CARD14: variants seen among roughly 807,000 people sequenced by gnomAD.
CARD14 encodes the protein caspase recruitment domain family member 14.
A neutral mutation model predicts 111.5 loss-of-function variants in CARD14; 107 were observed. That is an observed-to-expected ratio of 0.96 (90% CI 0.82 to 1.13). The LOEUF (loss-of-function observed/expected upper bound fraction) is 1.13. CARD14 is among the 50% of genes most tolerant of loss of function. CARD14 has a pLI of 0.00. For synonymous variants in CARD14, 617 were observed against 579.6 expected, an observed-to-expected ratio of 1.06 and a Z score of -0.93; for missense variants, 1,322 against 1,362.3, an observed-to-expected ratio of 0.97 and a Z score of 0.47.
In CARD14 at chr17:80,195,039, G is replaced by A. The variant is rs962965531; in HGVS notation, c.1357-152G>A. 1.1e-6 allele frequency: 1 copy of A among 922,922 alleles called. No individual in the cohort carries two copies. Among genetic ancestry groups the A allele is most frequent in the Non-Finnish European group, 1.6e-6 (1 of 629,472 alleles). 57.2% of individuals were successfully genotyped at this position (922,922 alleles called of 1,614,324 possible). On this transcript the variant is annotated intron_variant, in intron 12 of 23. Transcript: ENST00000648509. This position sits in a 1 kb window ranked among gnomAD's most constrained non-coding sequence, Gnocchi z 4.7. ...GTGTCTGGCATACAGCAGGTGCTCA[G>A]CGCATGTGACCCCATGTGTGTCCTT... is the stretch of plus-strand genomic sequence containing the variant.
intron 2 of CARD14, among the ~76,000 whole-genome samples, chr17:80,176,260 T>A (rs7224340): frequency 1 from 150,032 of 150,044 alleles, 75,010 homozygotes; most frequent in Middle Eastern, 1. Context: ...TGAGACCCCC[T>A]TCTTTACAAA....
intron 1 of CARD14, among the ~76,000 whole-genome samples, chr17:80,172,675 G>A (rs1036791628): frequency 8.5e-5 from 13 of 152,052 alleles, no homozygotes; most frequent in South Asian, 6.2e-4. Context: ...GAGAAAGGTG[G>A]CACCGTTGAT....
chr17:80,192,287 TGTGTCCAGCTG>T, intron 11 of CARD14: 1 of 495,932 alleles, frequency 2.0e-6, no homozygotes, highest in African/African-American at 1.9e-5. Context: ...TGAAATGCTG[TGTGTCCAGCTG>T]GTTTCTTTCA....
intron 7 of CARD14, among the ~76,000 whole-genome samples, chr17:80,185,848 C>A (rs1449974886): frequency 6.6e-6 from 1 of 152,296 alleles, no homozygotes; most frequent in Non-Finnish European, 1.5e-5. Context: ...CACATGTATA[C>A]AGAAATTATG....
Position 80,195,078 on chromosome 17 carries a change from C to A in CARD14, c.1357-113C>A. ...ATGTGTGTCCTTCTTTCCCCTCCTG[C>A]CTCCTCTCCAGTCAGTTCTCACTGT... On this transcript the variant is annotated intron_variant, in intron 12 of 23. Transcript: ENST00000648509. The surrounding 1 kb of genome is among the most constrained non-coding windows in gnomAD (Gnocchi z 4.7). 7.3e-7 allele frequency: 1 copy of A among 1,366,564 alleles called. No individual in the cohort carries two copies. The highest frequency in any genetic ancestry group is 9.9e-7 in the Non-Finnish European group (1 of 1,013,042). 84.7% of individuals were successfully genotyped at this position (1,366,564 alleles called of 1,614,324 possible).
Position 80,191,387 on chromosome 17 carries a change from T to G in CARD14, c.1154T>G (p.Leu385Arg), listed in dbSNP as rs2144267834. The change falls in exon 11 of 24, where the codon CTC becomes CGC. Residue 385 changes from leucine (L) to arginine (R), a missense_variant. Leu to Arg is a moderately radical substitution (Grantham distance 102). Coordinates refer to ENST00000648509, the MANE Select transcript of CARD14 (RefSeq NM_001366385.1). Reference sequence around the variant, plus strand: ...CAGAGCCTGGTGGAGAAGGACTCCCTCCGCAGGCAGGTGTTCGAGCTGACG... The same window carrying G: ...CAGAGCCTGGTGGAGAAGGACTCCCGCCGCAGGCAGGTGTTCGAGCTGACG... ...ISQSLVEKDS[L>R]RRQVFELTDQ... is the part of the protein sequence containing the mutation. The G allele has an allele frequency of 2.5e-6, 4 of 1,613,826 alleles. No individual in the cohort carries two copies. Among genetic ancestry groups the G allele is most frequent in the Non-Finnish European group, 3.4e-6 (4 of 1,179,990 alleles).
rs539690093 is a variant in CARD14 at position 80,187,270 on chromosome 17, G to A, written c.676-1107G>A. Among the ~76,000 whole-genome samples, 9 of 152,290 alleles carry A rather than the reference G, an allele frequency of 5.9e-5. No homozygotes were observed. In the South Asian group the frequency reaches 1.0e-3, roughly 18 times the overall value. On this transcript the variant is annotated intron_variant, in intron 7 of 23. Transcript: ENST00000648509. ...CCATACCACTGCCATTAACAGCCCC[G>A]CTAAGACGGGTGCCGGACTTGTTTG...
Position 80,195,400 on chromosome 17 carries a change from A to T in CARD14, c.1499+67A>T. The T allele has an allele frequency of 1.3e-6, 2 of 1,558,394 alleles. No homozygotes were observed. The highest frequency in any genetic ancestry group is 1.7e-6 in the Non-Finnish European group (2 of 1,148,148). ...GGTCCTTCCTGGCAACTCACCAGAG[A>T]CACCAACCTAGACCTCAGGGCATCT... is the stretch of plus-strand genomic sequence containing the variant. On this transcript the variant is annotated intron_variant, in intron 13 of 23. Coordinates refer to ENST00000648509, the MANE Select transcript of CARD14 (RefSeq NM_001366385.1). The surrounding 1 kb of genome is among the most constrained non-coding windows in gnomAD (Gnocchi z 4.7).
chr17:80,183,649 C>G (rs1187207742), intron 6 of CARD14, among the ~76,000 whole-genome samples: 1 of 152,150 alleles, frequency 6.6e-6, no homozygotes, highest in African/African-American at 2.4e-5. Context: ...AGCTGGGGGC[C>G]TGCTGGGGAG....
chr17:80,207,965 G>C (rs2041432299), intron 23 of CARD14, among the ~76,000 whole-genome samples, 173 bp from the exon 24 acceptor site: 1 of 152,158 alleles, frequency 6.6e-6, no homozygotes, highest in South Asian at 2.1e-4. Context: ...CTGTGTTCTA[G>C]ACAACCTGCC....
rs375085546 is a variant in CARD14, at chr17:80,198,681, C to T, written c.1851+90C>T. ...TGACCCAGGCAGACTTCACCTCCCCCAGACGATGCAGATCCACTCTGGGCT... is the reference window on the plus strand; with the variant it reads ...TGACCCAGGCAGACTTCACCTCCCCTAGACGATGCAGATCCACTCTGGGCT... On this transcript the variant is annotated intron_variant, in intron 16 of 23. Coordinates refer to ENST00000648509, the MANE Select transcript of CARD14 (RefSeq NM_001366385.1). This position sits in a 1 kb window ranked among gnomAD's most constrained non-coding sequence, Gnocchi z 7.5. The T allele has an allele frequency of 6.2e-7, 1 of 1,605,736 alleles. No individual in the cohort carries two copies. Among genetic ancestry groups the T allele is most frequent in the South Asian group, 1.1e-5 (1 of 90,680 alleles).
At chr17:80,202,670 C>T (rs1219184105) in intron 18 of CARD14, 2 of 1,307,854 alleles carry the variant, frequency 1.5e-6, no homozygotes, top group African/African-American at 1.5e-5. Flanking sequence ...GGTTTCTTAG[C>T]TTTGGTACCA....
In CARD14 at chr17:80,182,090, A is replaced by G. The variant is rs2040193139; in HGVS notation, c.211+441A>G. 6.6e-6 allele frequency among the ~76,000 whole-genome samples: 1 copy of G among 152,258 alleles called. No individual in the cohort carries two copies. The highest frequency in any genetic ancestry group is 6.5e-5 in the Admixed American group (1 of 15,290). On this transcript the variant is annotated intron_variant, in intron 5 of 23. Transcript: ENST00000648509. The surrounding 1 kb of genome is among the most constrained non-coding windows in gnomAD (Gnocchi z 4.7). ...AAACAGGCAGTAGGTGGTAGCTGTC[A>G]ACATGATAATGTTCATGCATGTTGG...
Position 80,173,052 on chromosome 17 carries a change from T to A in CARD14, c.-543T>A, listed in dbSNP as rs2039940586. ...AGCACCACCACAGCCGGCTAATTTT[T>A]CTATTTCTAGTAGAAATGGGGTTTC... On this transcript the variant is annotated 5_prime_UTR_variant, in exon 2 of 24. Transcript: ENST00000648509. The A allele has an allele frequency of 6.6e-6, 1 of 152,584 alleles. No individual in the cohort carries two copies. Among genetic ancestry groups the A allele is most frequent in the African/African-American group, 2.4e-5 (1 of 41,310 alleles). 9.5% of individuals were successfully genotyped at this position (152,584 alleles called of 1,614,324 possible). A position where few individuals can be genotyped will look rare whatever the true frequency, so the allele number is the denominator to read the frequency against.
At position 80,195,096 on chromosome 17, in the gene CARD14, C is replaced by G; in HGVS notation, c.1357-95C>G. 6.8e-6 allele frequency: 10 copies of G among 1,466,374 alleles called. No individual in the cohort carries two copies. The South Asian group carries it at 1.3e-4, about 20-fold the overall frequency. 90.8% of individuals were successfully genotyped at this position (1,466,374 alleles called of 1,614,324 possible). ...CCTCCTGCCTCCTCTCCAGTCAGTT[C>G]TCACTGTGGCTCTCTCTACACCGTG... On this transcript the variant is annotated intron_variant, in intron 12 of 23. Coordinates refer to ENST00000648509, the MANE Select transcript of CARD14 (RefSeq NM_001366385.1). This position sits in a 1 kb window ranked among gnomAD's most constrained non-coding sequence, Gnocchi z 4.7.
chr17:80,173,324 A>G (rs62074370), intron 2 of CARD14, 96 bp downstream of exon 2: 9,739 of 111,682 alleles, frequency 0.087, 562 homozygotes, highest in African/African-American at 0.19. Context: ...ACACACACAC[A>G]CGCGCGCGCG....
At position 80,201,711 on chromosome 17, in the gene CARD14, G is replaced by A. The variant is rs2144426073; in HGVS notation, c.1852-33G>A. The A allele has an allele frequency of 6.2e-7, 1 of 1,613,192 alleles. No individual in the cohort carries two copies. Reference sequence around the variant, plus strand: ...TTCTGGCTGGATTCAGAGTCCCGGGGGAAAGAGACTGACCTTCTCGACTTG... The same window carrying A: ...TTCTGGCTGGATTCAGAGTCCCGGGAGAAAGAGACTGACCTTCTCGACTTG... On this transcript the variant is annotated intron_variant, in intron 16 of 23. Transcript: ENST00000648509. This position sits in a 1 kb window ranked among gnomAD's most constrained non-coding sequence, Gnocchi z 5.0.
intron 11 of CARD14, among the ~76,000 whole-genome samples, chr17:80,191,815 T>C (rs1320681666): frequency 1.3e-5 from 2 of 152,254 alleles, no homozygotes; most frequent in East Asian, 3.8e-4. Context: ...GGCAGCCATT[T>C]GCAGTGTAGA....
rs535954529 is a variant in CARD14, at chr17:80,195,026, C to T, written c.1357-165C>T. On this transcript the variant is annotated intron_variant, in intron 12 of 23. Coordinates refer to ENST00000648509, the MANE Select transcript of CARD14 (RefSeq NM_001366385.1). The surrounding 1 kb of genome is among the most constrained non-coding windows in gnomAD (Gnocchi z 4.7). ...GCATGTGACCCCAGTGTCTGGCATA[C>T]AGCAGGTGCTCAGCGCATGTGACCC... 6.6e-6 allele frequency among the ~76,000 whole-genome samples: 1 copy of T among 152,284 alleles called. No homozygotes were observed. Among genetic ancestry groups the T allele is most frequent in the South Asian group, 2.1e-4 (1 of 4,826 alleles).
Sources: gnomAD v4.1 joint callset for allele counts (sites outside exome capture counted in the v4.1 genomes callset) on GRCh38, gnomAD v4.1.1 for gene constraint, Gnocchi (gnomAD v3.1) non-coding constraint, MANE v1.5 for transcripts, NCBI Gene and HGNC (gene_info 2026-07-23, HGNC 2026-07-21) for gene names.